Variants in USP34 observed in about 807,000 individuals in gnomAD.
USP34 encodes ubiquitin carboxyl-terminal hydrolase 34.
Under a neutral mutation model 460.3 loss-of-function variants are expected in USP34, and 70 were observed. The observed-to-expected ratio is 0.15, with a 90% CI of 0.13 to 0.19. The LOEUF (loss-of-function observed/expected upper bound fraction) is 0.19. Among genes scored for constraint, USP34 ranks in the 10% least tolerant of loss-of-function variants. The probability of loss-of-function intolerance (pLI) is 1.00; values close to 1 mark genes in which losing one functional copy is unlikely to be tolerated. For synonymous variants in USP34, 1,647 were observed against 1,405.3 expected, an observed-to-expected ratio of 1.17 and a Z score of -3.85; for missense variants, 3,985 against 4,236.2, an observed-to-expected ratio of 0.94 and a Z score of 1.65.
At chr2:61,245,344 T>C in intron 50 of USP34, 56 bp from the exon 51 acceptor site, 1 of 1,007,004 alleles carries the variant, frequency 9.9e-7, no homozygotes, top group Admixed American at 2.5e-5. Flanking sequence ...ATCTTCATAT[T>C]ATGTCTACTA....
Position 61,394,951 on chromosome 2 carries a change from T to C in USP34, c.655A>G (p.Lys219Glu), listed in dbSNP as rs747448529. ...TCCTTCATGAGAGAAAGGCCATTTTTCCCACAAAACAAACATACATAACGA... is the reference window on the plus strand; with the variant it reads ...TCCTTCATGAGAGAAAGGCCATTTTCCCCACAAAACAAACATACATAACGA... The part of the protein sequence containing the change: ...LLRYVCLFCG[K>E]NGLSLMKDCF... The change falls in exon 5 of 80, where the codon AAA (lysine) becomes GAA (glutamate). Residue 219 changes from lysine to glutamate, a missense_variant. This residue lies in a region of USP34 where 331 missense variants were observed against 293.7 expected (regional missense o/e 1.13). Transcript: ENST00000398571. 5.0e-6 allele frequency: 8 copies of C among 1,607,794 alleles called. No individual in the cohort carries two copies. Among genetic ancestry groups the C allele is most frequent in the Middle Eastern group, 3.3e-4 (2 of 6,066 alleles).
intron 59 of USP34, 25 bp downstream of exon 59, chr2:61,229,523 A>G (rs754286484): frequency 3.8e-6 from 6 of 1,568,770 alleles, no homozygotes; most frequent in East Asian, 4.5e-5. Flanking sequence ...CAGACACACA[A>G]ACTTATTCAA....
At chr2:61,344,473 A>G (rs1323440413) in intron 15 of USP34, among the ~76,000 whole-genome samples, 1 of 152,228 alleles carries the variant, frequency 6.6e-6, no homozygotes, top group Non-Finnish European at 1.5e-5. Flanking sequence ...AACCCAAATT[A>G]AGTATTCATT....
intron 27 of USP34, among the ~76,000 whole-genome samples, chr2:61,309,608 C>T (rs2103666873): frequency 6.6e-6 from 1 of 152,272 alleles, no homozygotes; most frequent in South Asian, 2.1e-4. Context: ...TTACCAAGTG[C>T]TAGTGAGATT....
At chr2:61,425,860 CAAGA>C (rs1694495470) in intron 1 of USP34, among the ~76,000 whole-genome samples, 1 of 151,934 alleles carries the variant, frequency 6.6e-6, no homozygotes. Context: ...CTCAGGGCTC[CAAGA>C]AAGATGCCTT....
chr2:61,467,943 A>C (rs1018797360), intron 1 of USP34, among the ~76,000 whole-genome samples: 7 of 151,910 alleles, frequency 4.6e-5, no homozygotes, highest in African/African-American at 1.7e-4. Context: ...TGAATTTCTA[A>C]ATCAACGTTG....
At chr2:61,240,073 G>A (rs1009132477) in intron 53 of USP34, among the ~76,000 whole-genome samples, 1 of 149,136 alleles carries the variant, frequency 6.7e-6, no homozygotes, top group Non-Finnish European at 1.5e-5. Flanking sequence ...TTTTTATCCA[G>A]ATAGTAAAAG....
At chr2:61,371,586 A>G (rs1020709263) in intron 8 of USP34, among the ~76,000 whole-genome samples, 1 of 152,094 alleles carries the variant, frequency 6.6e-6, no homozygotes, top group Non-Finnish European at 1.5e-5. Flanking sequence ...TATAAAAGTA[A>G]ATAAAAAGTT....
intron 2 of USP34, among the ~76,000 whole-genome samples, chr2:61,414,441 G>A (rs144444953): frequency 1.4e-4 from 21 of 152,224 alleles, no homozygotes; most frequent in African/African-American, 4.8e-4. Flanking sequence ...GGGTAGGATA[G>A]ACATTTCAGG....
At chr2:61,321,551 C>A (rs1690923748) in intron 21 of USP34, among the ~76,000 whole-genome samples, 1 of 152,176 alleles carries the variant, frequency 6.6e-6, no homozygotes, top group Non-Finnish European at 1.5e-5. Flanking sequence ...CACATTCATA[C>A]AACATTTTGG....
intron 18 of USP34, among the ~76,000 whole-genome samples, chr2:61,335,795 T>C (rs1691398335): frequency 6.6e-6 from 1 of 152,184 alleles, no homozygotes; most frequent in South Asian, 2.1e-4. Flanking sequence ...ACACTAATTT[T>C]AGACTCAAGA....
intron 48 of USP34, chr2:61,249,976 G>A (rs143413931): frequency 1.2e-3 from 200 of 165,288 alleles, no homozygotes; most frequent in East Asian, 4.4e-3. Context: ...GGCTAGGCGC[G>A]GTGGCTCACG....
intron 15 of USP34, among the ~76,000 whole-genome samples, chr2:61,344,655 T>C (rs1444051656): frequency 6.6e-6 from 1 of 152,178 alleles, no homozygotes; most frequent in Non-Finnish European, 1.5e-5. Context: ...ATGGAATGGG[T>C]ATAGGTGTCA....
chr2:61,378,937 A>AAAC (rs1692886184), intron 7 of USP34, among the ~76,000 whole-genome samples: 1 of 131,452 alleles, frequency 7.6e-6, no homozygotes, highest in Non-Finnish European at 1.6e-5. Flanking sequence ...AAAAAAAAAA[A>AAAC]CAACACTAAA....
chr2:61,410,358 G>C (rs189786377), intron 2 of USP34, among the ~76,000 whole-genome samples: 1 of 152,166 alleles, frequency 6.6e-6, no homozygotes, highest in African/African-American at 2.4e-5. Flanking sequence ...ATGCTCCTGT[G>C]AGAATCTGAT....
At chr2:61,258,647 G>A (rs68020555) in intron 44 of USP34, among the ~76,000 whole-genome samples, 64,339 of 151,750 alleles carry the variant, frequency 0.42, 14,273 homozygotes, top group South Asian at 0.7. Flanking sequence ...AGGGTAGGGG[G>A]AAAAAACCCA....
chr2:61,316,361 G>A (rs1308822883), intron 23 of USP34, among the ~76,000 whole-genome samples: 1 of 152,168 alleles, frequency 6.6e-6, no homozygotes, highest in Non-Finnish European at 1.5e-5. Flanking sequence ...AAGGCGGGTG[G>A]AAAACTTGAG....
intron 1 of USP34, among the ~76,000 whole-genome samples, chr2:61,463,750 C>T (rs1695677098): frequency 6.6e-6 from 1 of 151,632 alleles, no homozygotes; most frequent in Non-Finnish European, 1.5e-5. Context: ...AGGAGAATCG[C>T]TTGAACCCAG....
chr2:61,265,373 T>C, intron 43 of USP34, 24 bp downstream of exon 43: 1 of 1,592,128 alleles, frequency 6.3e-7, no homozygotes, highest in Non-Finnish European at 8.5e-7. Flanking sequence ...ATAATTTTGA[T>C]TTTTAAAGTG....
Sources: gnomAD v4.1 joint callset for allele counts (sites outside exome capture counted in the v4.1 genomes callset) on GRCh38, gnomAD v4.1.1 for gene constraint, gnomAD v4.1.1 regional missense constraint, MANE v1.5 for transcripts, NCBI Gene and HGNC (gene_info 2026-07-23, HGNC 2026-07-21) for gene names.